Variants in ATXN7 observed in about 807,000 individuals in gnomAD.
ATXN7 encodes the protein ataxin 7.
In ATXN7, 12 loss-of-function variants were observed where a neutral mutation model predicts 70.5. The observed-to-expected ratio is 0.17, with a 90% CI of 0.11 to 0.28. ATXN7 has a LOEUF of 0.28. Ranked by LOEUF, ATXN7 falls within the 10% of genes least tolerant of loss-of-function variation. ATXN7 has a pLI of 1.00. For missense variants in ATXN7, 1,256 were observed against 1,131.7 expected, an observed-to-expected ratio of 1.11 and a Z score of -1.58; for synonymous variants, 498 against 448.7, an observed-to-expected ratio of 1.11 and a Z score of -1.39.
At chr3:63,982,130 A>C in intron 6 of ATXN7, 56 bp from the exon 7 acceptor site, 3 of 1,608,828 alleles carry the variant, frequency 1.9e-6, no homozygotes, top group Non-Finnish European at 2.6e-6. Context: ...CTCACCATTC[A>C]CCTGGGGGCT....
At chr3:63,907,428 A>G (rs1334762574) in intron 2 of ATXN7, among the ~76,000 whole-genome samples, 1 of 149,558 alleles carries the variant, frequency 6.7e-6, no homozygotes, top group East Asian at 2.0e-4. Context: ...TTATAGCTGA[A>G]TATTGGTCCA....
intron 5 of ATXN7, among the ~76,000 whole-genome samples, chr3:63,978,089 T>C (rs2075420860): frequency 6.6e-6 from 1 of 152,166 alleles, no homozygotes; most frequent in South Asian, 2.1e-4. Flanking sequence ...GGCATTAGCC[T>C]GGTCTACTGT....
intron 2 of ATXN7, chr3:63,905,966 A>G (rs1703824904): frequency 6.6e-6 from 1 of 152,242 alleles, no homozygotes; most frequent in Non-Finnish European, 1.5e-5. Flanking sequence ...CTAGGAAGAA[A>G]GGTTTATGAA....
At chr3:63,901,329 T>G (rs1202314851) in intron 2 of ATXN7, 1 of 152,224 alleles carries the variant, frequency 6.6e-6, no homozygotes, top group Non-Finnish European at 1.5e-5. Flanking sequence ...TTATTAACTA[T>G]AGTAAGCATG....
At chr3:63,935,483 G>A (rs1328123403) in intron 4 of ATXN7, among the ~76,000 whole-genome samples, 1 of 152,164 alleles carries the variant, frequency 6.6e-6, no homozygotes. Flanking sequence ...CTCGATGGCA[G>A]CTTTGACATT....
intron 1 of ATXN7, among the ~76,000 whole-genome samples, chr3:63,882,494 C>T (rs531468897): frequency 2.6e-5 from 4 of 151,066 alleles, no homozygotes; most frequent in South Asian, 4.2e-4. Flanking sequence ...AAGCAATTCT[C>T]GTGTCTCAGT....
chr3:63,888,757 A>G (rs556440678), intron 1 of ATXN7, among the ~76,000 whole-genome samples: 95 of 152,278 alleles, frequency 6.2e-4, no homozygotes, highest in Admixed American at 2.0e-3. Flanking sequence ...GCCTGGCGAC[A>G]GAGCGAGACT....
At chr3:63,863,851 C>CGGA (rs1559612577), upstream of ATXN7, 1 of 1,216,082 alleles carries the variant, frequency 8.2e-7, no homozygotes, top group East Asian at 3.5e-5. Flanking sequence ...TTGGCGGCGG[C>CGGA]GGAGGTCAAA....
intron 5 of ATXN7, chr3:63,967,674 A>G: frequency 5.6e-6 from 5 of 887,394 alleles, no homozygotes; most frequent in Non-Finnish European, 7.5e-6. Flanking sequence ...CCTTTCCAAT[A>G]GAAAGATTAA....
intron 5 of ATXN7, among the ~76,000 whole-genome samples, chr3:63,975,851 C>T (rs2106739127): frequency 6.6e-6 from 1 of 152,286 alleles, no homozygotes; most frequent in Non-Finnish European, 1.5e-5. Flanking sequence ...CTCTCTTCTC[C>T]CCAGCACAAC....
chr3:63,873,328 C>T (rs1383175644), intron 1 of ATXN7, among the ~76,000 whole-genome samples: 1 of 152,184 alleles, frequency 6.6e-6, no homozygotes, highest in Non-Finnish European at 1.5e-5. Flanking sequence ...AATCAGGCTT[C>T]AGAGTGAACC....
intron 4 of ATXN7, among the ~76,000 whole-genome samples, chr3:63,917,120 A>G (rs1157105890): frequency 1.3e-5 from 2 of 152,204 alleles, no homozygotes; most frequent in East Asian, 1.9e-4. Flanking sequence ...GGGTTTCACC[A>G]TGTTGGCCAG....
chr3:63,924,619 C>T (rs1439445691), intron 4 of ATXN7, among the ~76,000 whole-genome samples: 3 of 152,034 alleles, frequency 2.0e-5, no homozygotes, highest in Admixed American at 6.6e-5. Context: ...GAGTGATGGT[C>T]TCTGTTATAT....
intron 3 of ATXN7, 30 bp from the exon 4 acceptor site, chr3:63,913,127 C>T (rs537043255): frequency 5.8e-5 from 93 of 1,608,090 alleles, no homozygotes; most frequent in Non-Finnish European, 7.5e-5. Context: ...ACCTGCCTCT[C>T]CCCTCCTCCT....
intron 4 of ATXN7, among the ~76,000 whole-genome samples, chr3:63,925,419 G>A (rs551981648): frequency 4.6e-5 from 7 of 152,230 alleles, no homozygotes; most frequent in South Asian, 4.1e-4. Flanking sequence ...TGAGCTCCAC[G>A]TCCTGTCAGA....
In ATXN7 at chr3:63,922,874, A is replaced by C. The variant is rs182323287; in HGVS notation, c.394+9649A>C. Among the ~76,000 whole-genome samples, 35 of 152,338 alleles carry C rather than the reference A, an allele frequency of 2.3e-4. No individual in the cohort carries two copies. In the East Asian group the frequency reaches 6.6e-3, roughly 29 times the overall value. On this transcript the variant is annotated intron_variant, in intron 4 of 12. Transcript: ENST00000674280. ...CTGTAAAGATTTTACTAATAATAGA[A>C]GTATGGAACACAGAAGCCATCATTC...
intron 4 of ATXN7, among the ~76,000 whole-genome samples, chr3:63,931,845 T>G (rs1219337861): frequency 6.6e-6 from 1 of 152,156 alleles, no homozygotes; most frequent in African/African-American, 2.4e-5. Flanking sequence ...ATAATAAAAC[T>G]GTGTCAAAGG....
chr3:63,863,806 G>GGCGGCGGCC, upstream of ATXN7: 1 of 1,108,454 alleles, frequency 9.0e-7, no homozygotes, highest in East Asian at 3.3e-5. Flanking sequence ...GCGCGGCGGC[G>GGCGGCGGCC]GCGGCGGCGG....
chr3:63,907,385 A>G (rs937848888), intron 2 of ATXN7, among the ~76,000 whole-genome samples: 1 of 151,938 alleles, frequency 6.6e-6, no homozygotes, highest in African/African-American at 2.4e-5. Context: ...TAGCTGACGC[A>G]GTACACTAGA....
Sources: gnomAD v4.1 joint callset for allele counts (sites outside exome capture counted in the v4.1 genomes callset) on GRCh38, gnomAD v4.1.1 for gene constraint, MANE v1.5 for transcripts, NCBI Gene and HGNC (gene_info 2026-07-23, HGNC 2026-07-21) for gene names.